Variants in DSCAML1 observed in about 807,000 individuals in gnomAD.
The protein encoded by DSCAML1 is cell adhesion molecule DSCAML1.
DSCAML1 carries 38 observed loss-of-function variants against 200.5 expected under a neutral mutation model. The ratio of observed to expected loss-of-function variants is 0.19; its 90% CI spans 0.15 to 0.25. The LOEUF (loss-of-function observed/expected upper bound fraction) is 0.25, where lower values mean the gene tolerates loss of function less well. DSCAML1 is among the 10% of genes least tolerant of loss of function. The probability of loss-of-function intolerance (pLI) is 1.00; values close to 1 mark genes in which losing one functional copy is unlikely to be tolerated. For missense variants in DSCAML1, 2,223 were observed against 2,858.8 expected (o/e 0.78, Z 5.07); for synonymous variants, 1,215 against 1,165.0 (o/e 1.04, Z -0.87).
intron 11 of DSCAML1, among the ~76,000 whole-genome samples, chr11:117,490,502 A>G (rs1464429256): frequency 6.6e-6 from 1 of 152,056 alleles, no homozygotes; most frequent in Non-Finnish European, 1.5e-5. Context: ...GCCCCTACTT[A>G]GCACCCCCAG....
chr11:117,720,507 A>G (rs1029120072), intron 3 of DSCAML1, among the ~76,000 whole-genome samples: 8 of 152,330 alleles, frequency 5.3e-5, no homozygotes, highest in South Asian at 4.1e-4. Context: ...CCCCTCTCCC[A>G]GGGCTCCAAG....
intron 11 of DSCAML1, among the ~76,000 whole-genome samples, chr11:117,497,280 G>A (rs1335737046): frequency 6.6e-6 from 1 of 152,172 alleles, no homozygotes; most frequent in Non-Finnish European, 1.5e-5. Context: ...ACATGAACAA[G>A]GATCAGAACC....
intron 3 of DSCAML1, among the ~76,000 whole-genome samples, chr11:117,658,990 T>C (rs2052787887): frequency 6.6e-6 from 1 of 152,048 alleles, no homozygotes; most frequent in South Asian, 2.1e-4. Context: ...CAGCCTATTA[T>C]TATTGGACTT....
intron 3 of DSCAML1, among the ~76,000 whole-genome samples, chr11:117,648,695 C>A (rs1212350391): frequency 6.6e-6 from 1 of 152,176 alleles, no homozygotes; most frequent in Non-Finnish European, 1.5e-5. Context: ...AGCCAGACAC[C>A]TGGTGCACAC....
chr11:117,804,571 T>G (rs12364667), intron 1 of DSCAML1, among the ~76,000 whole-genome samples: 31,858 of 152,238 alleles, frequency 0.21, 4,292 homozygotes, highest in Non-Finnish European at 0.3. Flanking sequence ...CGTATCTTTT[T>G]TCTTTTCTGA....
At position 117,780,661 on chromosome 11, in the gene DSCAML1, C is replaced by T. The variant is rs776722431; in HGVS notation, c.196G>A (p.Asp66Asn). ...CGGATGTGCGGCACGTCGTAGATGT[C>T]GTCCCCTGTGGCCAGGTACCATCGA... is the stretch of plus-strand genomic sequence containing the variant. ...ALRWYLATGD[D>N]IYDVPHIRHV... The change falls in exon 2 of 33, where the codon GAC becomes AAC. Residue 66 changes from aspartate (D) to asparagine (N), a missense_variant. Asp to Asn is a conservative substitution (Grantham distance 23, BLOSUM62 1). Around this residue, in one of 7 missense-constraint regions of DSCAML1, gnomAD observed 579 missense variants for 721.5 expected, o/e 0.80. Coordinates refer to ENST00000651296, the MANE Select transcript of DSCAML1 (RefSeq NM_020693.4). This position sits in a 1 kb window ranked among gnomAD's most constrained non-coding sequence, Gnocchi z 4.8. 3 of 1,591,560 alleles carry T rather than the reference C, an allele frequency of 1.9e-6. No individual in the cohort carries two copies. The highest frequency in any genetic ancestry group is 2.6e-6 in the Non-Finnish European group (3 of 1,167,826).
chr11:117,477,349 A>AGTGTGTGTGTGTGTGTGT (rs5795087), intron 14 of DSCAML1, among the ~76,000 whole-genome samples: 13 of 140,088 alleles, frequency 9.3e-5, no homozygotes, highest in East Asian at 4.4e-4. Context: ...TGGTTCTGAA[A>AGTGTGTGTGTGTGTGTGT]GTGTGTGTGT....
chr11:117,597,658 G>A (rs190383248), intron 3 of DSCAML1, among the ~76,000 whole-genome samples: 7 of 152,240 alleles, frequency 4.6e-5, no homozygotes, highest in Admixed American at 4.6e-4. Flanking sequence ...GTTTCATCAT[G>A]TTGGCCAGGC....
chr11:117,769,509 TTTATATATATTA>T (rs2054995045), intron 3 of DSCAML1, among the ~76,000 whole-genome samples: 1 of 87,394 alleles, frequency 1.1e-5, no homozygotes, highest in African/African-American at 6.0e-5. Flanking sequence ...TAATATATAT[TTTATATATATTA>T]TATATATTTT....
chr11:117,577,162 C>T (rs1316764385), intron 3 of DSCAML1, among the ~76,000 whole-genome samples: 1 of 152,162 alleles, frequency 6.6e-6, no homozygotes, highest in South Asian at 2.1e-4. Flanking sequence ...TCTCTCTGGT[C>T]TCTGGCCCAG....
chr11:117,598,719 G>A (rs2051408579), intron 3 of DSCAML1, among the ~76,000 whole-genome samples: 1 of 152,176 alleles, frequency 6.6e-6, no homozygotes, highest in South Asian at 2.1e-4. Context: ...GGGAAAAAGG[G>A]AGCAGGGAGG....
intron 3 of DSCAML1, among the ~76,000 whole-genome samples, chr11:117,665,045 G>A (rs73014416): frequency 0.22 from 33,062 of 152,068 alleles, 4,682 homozygotes; most frequent in Non-Finnish European, 0.3. Context: ...GCCAAGCCCC[G>A]CCCATCTCAG....
intron 3 of DSCAML1, among the ~76,000 whole-genome samples, chr11:117,711,181 G>C (rs950572078): frequency 1.3e-5 from 2 of 152,152 alleles, no homozygotes; most frequent in Admixed American, 1.3e-4. Context: ...TCTGCCTCAT[G>C]GGGCAGGCTG....
At chr11:117,667,675 G>A (rs888222109) in intron 3 of DSCAML1, among the ~76,000 whole-genome samples, 15 of 152,132 alleles carry the variant, frequency 9.9e-5, no homozygotes, top group African/African-American at 3.6e-4. Context: ...TGTTTTAAGT[G>A]CCTCAAAAGC....
intron 3 of DSCAML1, among the ~76,000 whole-genome samples, chr11:117,545,165 G>A (rs991395896): frequency 6.6e-6 from 1 of 152,048 alleles, no homozygotes; most frequent in Admixed American, 6.6e-5. Flanking sequence ...AGGAGGTGGA[G>A]GTTGTGGTGA....
chr11:117,662,758 G>C (rs1424530440), intron 3 of DSCAML1, among the ~76,000 whole-genome samples: 1 of 152,140 alleles, frequency 6.6e-6, no homozygotes, highest in Non-Finnish European at 1.5e-5. Context: ...CTTAAATAGG[G>C]GTTAACAAAA....
intron 3 of DSCAML1, among the ~76,000 whole-genome samples, chr11:117,545,770 G>C (rs1297951125): frequency 2.0e-5 from 3 of 152,206 alleles, no homozygotes; most frequent in Non-Finnish European, 4.4e-5. Flanking sequence ...ACTAGCCCTG[G>C]GAATGGGTCG....
chr11:117,723,875 C>A (rs971311091), intron 3 of DSCAML1, among the ~76,000 whole-genome samples: 1 of 152,258 alleles, frequency 6.6e-6, no homozygotes, highest in Non-Finnish European at 1.5e-5. Context: ...TCAACCACGT[C>A]GTCTCCTCCC....
chr11:117,772,973 G>A (rs2055066888), intron 3 of DSCAML1, among the ~76,000 whole-genome samples: 1 of 152,190 alleles, frequency 6.6e-6, no homozygotes. Flanking sequence ...ATAGTAGGTG[G>A]CTAAAGGGTA....
Sources: gnomAD v4.1 joint callset for allele counts (sites outside exome capture counted in the v4.1 genomes callset) on GRCh38, gnomAD v4.1.1 for gene constraint, gnomAD v4.1.1 regional missense constraint, Gnocchi (gnomAD v3.1) non-coding constraint, MANE v1.5 for transcripts, NCBI Gene and HGNC (gene_info 2026-07-23, HGNC 2026-07-21) for gene names.